BNIP3: variants seen among roughly 807,000 people sequenced by gnomAD.
BNIP3 encodes BCL2/adenovirus E1B 19 kDa protein-interacting protein 3.
In BNIP3, 16 loss-of-function variants were observed where a neutral mutation model predicts 23.9. The observed-to-expected ratio is 0.67, with a 90% CI of 0.45 to 1.01. The LOEUF is 1.01. BNIP3 is among the 50% of genes least tolerant of loss of function. BNIP3 has a pLI of 0.00. For missense variants in BNIP3, 198 were observed against 248.7 expected, an observed-to-expected ratio of 0.80 and a Z score of 1.37; for synonymous variants, 81 against 89.3, an observed-to-expected ratio of 0.91 and a Z score of 0.53.
intron 1 of BNIP3, among the ~76,000 whole-genome samples, chr10:131,975,102 C>T (rs575036011): frequency 6.6e-6 from 1 of 152,154 alleles, no homozygotes; most frequent in Non-Finnish European, 1.5e-5. Context: ...ATATTCTATT[C>T]TATTATTTTC....
chr10:131,981,823 T>G lies in BNIP3; in HGVS notation c.-17A>C. ...CTGCGACATGGCGCCAGAGGGCAAC[T>G]GCGGCGATCGGAGTCCGCGCCGGGC... On this transcript the variant is annotated 5_prime_UTR_variant, in exon 1 of 6. Transcript: ENST00000368636. 1 of 1,457,370 alleles carries G rather than the reference T, an allele frequency of 6.9e-7. No individual in the cohort carries two copies. 90.3% of individuals were successfully genotyped at this position (1,457,370 alleles called of 1,614,324 possible). A position where few individuals can be genotyped will look rare whatever the true frequency, so the allele number is the denominator to read the frequency against.
chr10:131,973,285 C>A, intron 2 of BNIP3, 167 bp from the exon 3 acceptor site: 1 of 657,062 alleles, frequency 1.5e-6, no homozygotes, highest in Non-Finnish European at 2.6e-6. Context: ...AACTCTTCCT[C>A]AGCCCTTTTG....
At position 131,970,793 on chromosome 10, in the gene BNIP3, G is replaced by A; in HGVS notation, c.390-6C>T. On this transcript the variant is annotated splice_region_variant and splice_polypyrimidine_tract_variant and intron_variant, in intron 4 of 5. Coordinates refer to ENST00000368636, the MANE Select transcript of BNIP3 (RefSeq NM_004052.4). The surrounding 1 kb of genome is among the most constrained non-coding windows in gnomAD (Gnocchi z 4.1). ...GGTGTTTAAAGAGGAACTCCCTGAG[G>A]CGGGAAGAAACGTGTCAGCTGATGT... 6.2e-7 allele frequency: 1 copy of A among 1,614,234 alleles called. No homozygotes were observed. The highest frequency in any genetic ancestry group is 1.1e-5 in the South Asian group (1 of 91,084).
chr10:131,971,771 T>C (rs2037035746), intron 3 of BNIP3, among the ~76,000 whole-genome samples: 1 of 152,252 alleles, frequency 6.6e-6, no homozygotes, highest in Non-Finnish European at 1.5e-5. Context: ...CCGCACGCCC[T>C]GGATGCACCC....
chr10:131,973,808 C>T lies in BNIP3; in HGVS notation c.182G>A (p.Ser61Asn). ...GCGCGCCTACCTGTCACAGTGAGAG[C>T]TCTTGGAGCTACTCCGTCCAGACTC... ...QHESGRSSSK[S>N]SHCDSPPRSQ... is the part of the protein sequence containing the mutation. Residue 61 changes from serine to asparagine, a missense_variant, in exon 2 of 6, where the codon AGC (serine) becomes AAC (asparagine). Ser to Asn is a conservative substitution (Grantham distance 46). Transcript: ENST00000368636. The T allele has an allele frequency of 1.2e-6, 2 of 1,612,376 alleles. No individual in the cohort carries two copies. Among genetic ancestry groups the T allele is most frequent in the Non-Finnish European group, 1.7e-6 (2 of 1,180,014 alleles).
At chr10:131,975,587 C>G (rs750866579) in intron 1 of BNIP3, among the ~76,000 whole-genome samples, 1 of 152,140 alleles carries the variant, frequency 6.6e-6, no homozygotes, top group Non-Finnish European at 1.5e-5. Context: ...TCGCTGGAAG[C>G]AAAGGCAGGT....
At position 131,976,476 on chromosome 10, in the gene BNIP3, G is replaced by A. The variant is rs1437253138; in HGVS notation, c.47-2533C>T. Reference sequence around the variant, plus strand: ...CAGGGGATCCCACACACCTGCCTCAGGTTCAGTAATTTACTACAATTCACA... The same window carrying A: ...CAGGGGATCCCACACACCTGCCTCAAGTTCAGTAATTTACTACAATTCACA... On this transcript the variant is annotated intron_variant, in intron 1 of 5. Coordinates refer to ENST00000368636, the MANE Select transcript of BNIP3 (RefSeq NM_004052.4). This position sits in a 1 kb window ranked among gnomAD's most constrained non-coding sequence, Gnocchi z 4.3. 2.6e-5 allele frequency among the ~76,000 whole-genome samples: 4 copies of A among 152,064 alleles called. No individual in the cohort carries two copies. Among genetic ancestry groups the A allele is most frequent in the Non-Finnish European group, 4.4e-5 (3 of 68,002 alleles).
Position 131,967,949 on chromosome 10 carries a change from C to T in BNIP3, c.*575G>A, listed in dbSNP as rs1221930449. On this transcript the variant is annotated 3_prime_UTR_variant, in exon 6 of 6. Transcript: ENST00000368636. The stretch of plus-strand genomic sequence containing the variant: ...AAGCAAGAAGAGTTTAGTGTACGAA[C>T]TGTACAGCTGAGTTTGTAGCTCTAT... The T allele has an allele frequency of 6.6e-6, 1 of 152,304 alleles. No individual in the cohort carries two copies. Among genetic ancestry groups the T allele is most frequent in the Non-Finnish European group, 1.5e-5 (1 of 68,122 alleles). 9.4% of individuals were successfully genotyped at this position (152,304 alleles called of 1,614,324 possible). A position where few individuals can be genotyped will look rare whatever the true frequency, so the allele number is the denominator to read the frequency against.
At chr10:131,971,319 C>T in intron 3 of BNIP3, 1 of 300,456 alleles carries the variant, frequency 3.3e-6, no homozygotes, top group Non-Finnish European at 6.3e-6. Flanking sequence ...ATGGTGACGG[C>T]AGCACTGGTT....
At chr10:131,971,055 C>T (rs940273256) in intron 3 of BNIP3, 85 bp from the exon 4 acceptor site, 75 of 1,242,094 alleles carry the variant, frequency 6.0e-5, no homozygotes, top group Middle Eastern at 2.1e-4. Flanking sequence ...GCTTCAGATC[C>T]GCAGGCTCAA....
At chr10:131,977,953 G>A (rs996524050) in intron 1 of BNIP3, among the ~76,000 whole-genome samples, 5 of 152,146 alleles carry the variant, frequency 3.3e-5, no homozygotes, top group Non-Finnish European at 5.9e-5. Flanking sequence ...ATCTACTCAC[G>A]TGTTACAGTT....
chr10:131,968,544 T>C lies in BNIP3; in HGVS notation c.565A>G (p.Thr189Ala), dbSNP rs2036991718. ...LGIYIGRRLTTSTSTF is the reference protein window; with the variant it reads ...LGIYIGRRLTASTSTF ...CTTCATCAAAAGGTGCTGGTGGAGG[T>C]TGTCAGACGCCTTCCAATATAGATC... The change falls in exon 6 of 6, where the codon ACC (threonine) becomes GCC (alanine). Residue 189 changes from threonine to alanine, a missense_variant. By Grantham distance (58) the Thr-to-Ala change is moderately conservative. Coordinates refer to ENST00000368636, the MANE Select transcript of BNIP3 (RefSeq NM_004052.4). 1.2e-6 allele frequency: 2 copies of C among 1,601,940 alleles called. No individual in the cohort carries two copies. The highest frequency in any genetic ancestry group is 1.7e-6 in the Non-Finnish European group (2 of 1,169,486).
chr10:131,972,994 A>G, intron 3 of BNIP3, 40 bp downstream of exon 3: 1 of 1,579,756 alleles, frequency 6.3e-7, no homozygotes, highest in African/African-American at 1.3e-5. Context: ...CAAACAGATC[A>G]CAAATACTTT....
At chr10:131,981,704 T>C (rs1208418769) in intron 1 of BNIP3, 57 bp downstream of exon 1, 5 of 1,449,974 alleles carry the variant, frequency 3.4e-6, no homozygotes, top group Non-Finnish European at 4.5e-6. Flanking sequence ...CCTCTTGGCC[T>C]TCCCCAGGCT....
chr10:131,968,661 C>T (rs1564833857), intron 5 of BNIP3, 92 bp from the exon 6 acceptor site: 3 of 1,145,032 alleles, frequency 2.6e-6, no homozygotes, highest in Non-Finnish European at 2.6e-6. Flanking sequence ...GTGGTTAGAG[C>T]TTATGCAAGG....
chr10:131,981,784 C>G lies in BNIP3; in HGVS notation c.23G>C (p.Gly8Ala). 6.7e-7 allele frequency: 1 copy of G among 1,483,414 alleles called. No homozygotes were observed. Among genetic ancestry groups the G allele is most frequent in the East Asian group, 2.9e-5 (1 of 34,334 alleles). 91.9% of individuals were successfully genotyped at this position (1,483,414 alleles called of 1,614,324 possible). A position where few individuals can be genotyped will look rare whatever the true frequency, so the allele number is the denominator to read the frequency against. ...ACCCTGCAGGCTCTCCTCCTGCATCCCGGGCGCTCCGTTCTGCGACATGGC... is the reference window on the plus strand; with the variant it reads ...ACCCTGCAGGCTCTCCTCCTGCATCGCGGGCGCTCCGTTCTGCGACATGGC... MSQNGAPGMQEESLQGSW... is the reference protein window; with the variant it reads MSQNGAPAMQEESLQGSW... The change falls in exon 1 of 6, where the codon GGG becomes GCG. Residue 8 changes from glycine (G) to alanine (A), a missense_variant. Physicochemically the swap from Gly to Ala is moderately conservative, Grantham distance 60. Coordinates refer to ENST00000368636, the MANE Select transcript of BNIP3 (RefSeq NM_004052.4).
At chr10:131,981,714 T>G in intron 1 of BNIP3, 47 bp downstream of exon 1, 1 of 1,386,900 alleles carries the variant, frequency 7.2e-7, no homozygotes. Context: ...TTCCCCAGGC[T>G]TCCCCCCCGC....
chr10:131,970,672 G>A lies in BNIP3; in HGVS notation c.505C>T (p.Leu169=). 5 of 1,614,208 alleles carry A rather than the reference G, an allele frequency of 3.1e-6. No homozygotes were observed. Among genetic ancestry groups the A allele is most frequent in the East Asian group, 2.2e-5 (1 of 44,878 alleles). ...AEFLKVFLPS[L]LLSHLLAIGL... is the part of the protein sequence containing the mutation. ...ATGGCCAGCAAATGAGAGAGCAGCA[G>A]AGATGGAAGGAAAACTTTCAGAAAT... The change falls in exon 5 of 6, where the codon CTG becomes TTG. Residue 169 remains leucine, a synonymous_variant. Coordinates refer to ENST00000368636, the MANE Select transcript of BNIP3 (RefSeq NM_004052.4). This position sits in a 1 kb window ranked among gnomAD's most constrained non-coding sequence, Gnocchi z 4.1.
intron 3 of BNIP3, among the ~76,000 whole-genome samples, chr10:131,972,226 C>T (rs560095478): frequency 3.9e-5 from 6 of 152,240 alleles, no homozygotes; most frequent in Admixed American, 6.5e-5. Flanking sequence ...TGCTGAAGGC[C>T]GCTCTGTAAA....
Sources: gnomAD v4.1 joint callset for allele counts (sites outside exome capture counted in the v4.1 genomes callset) on GRCh38, gnomAD v4.1.1 for gene constraint, Gnocchi (gnomAD v3.1) non-coding constraint, MANE v1.5 for transcripts, NCBI Gene and HGNC (gene_info 2026-07-23, HGNC 2026-07-21) for gene names.